The following APC variants were observed in gnomAD, a reference collection of about 807,000 sequenced individuals.
APC encodes the protein adenomatous polyposis coli protein.
APC carries 72 observed loss-of-function variants against 247.0 expected under a neutral mutation model. The ratio of observed to expected loss-of-function variants is 0.29; its 90% CI spans 0.24 to 0.35. The LOEUF is 0.35. Among genes scored for constraint, APC ranks in the 10% least tolerant of loss-of-function variants. The pLI, the probability that APC is intolerant of heterozygous loss-of-function variation, is 1.00. For missense variants in APC, 3,400 were observed against 3,360.7 expected (o/e 1.01, Z -0.29); for synonymous variants, 1,254 against 1,162.5 (o/e 1.08, Z -1.60).
Position 112,839,551 on chromosome 5 carries a change from T to A in APC, c.3957T>A (p.Pro1319=), listed in dbSNP as rs773123653. The change falls in exon 16 of 16, where the codon CCT becomes CCA. Residue 1319 remains proline, a synonymous_variant. Coordinates refer to ENST00000257430, the MANE Select transcript of APC (RefSeq NM_000038.6). The surrounding 1 kb of genome is among the most constrained non-coding windows in gnomAD (Gnocchi z 5.0). ...TTGGAACTAGGTCAGCTGAAGATCC[T>A]GTGAGCGAAGTTCCAGCAGTGTCAC... ...EKIGTRSAED[P]VSEVPAVSQH... 1 of 1,614,194 alleles carries A rather than the reference T, an allele frequency of 6.2e-7. No individual in the cohort carries two copies. The highest frequency in any genetic ancestry group is 2.2e-5 in the East Asian group (1 of 44,884).
At position 112,844,697 on chromosome 5, in the gene APC, T is replaced by G. The variant is rs1766837041; in HGVS notation, c.*571T>G. The G allele has an allele frequency of 4.3e-6, 1 of 232,820 alleles. No homozygotes were observed. Among genetic ancestry groups the G allele is most frequent in the Non-Finnish European group, 8.5e-6 (1 of 117,738 alleles). The allele number at this position is 232,820 out of a possible 1,614,324, so 14.4% of individuals were successfully genotyped here. On this transcript the variant is annotated 3_prime_UTR_variant, in exon 16 of 16. Transcript: ENST00000257430. ...CAATTTCAGAAGTAATGATTAACAG[T>G]TATGTGGTCACATGATGTGCATAGA...
chr5:112,781,344 A>G (rs369190806), intron 6 of APC, among the ~76,000 whole-genome samples: 1 of 152,244 alleles, frequency 6.6e-6, no homozygotes, highest in African/African-American at 2.4e-5. Flanking sequence ...AGTAAGTTGT[A>G]TGGAGAACAT....
At chr5:112,816,069 A>G (rs575361949) in intron 9 of APC, among the ~76,000 whole-genome samples, 1 of 152,322 alleles carries the variant, frequency 6.6e-6, no homozygotes, top group African/African-American at 2.4e-5. Flanking sequence ...GTTCCAGCCA[A>G]ACTGGCTCAC....
At chr5:112,720,481 CATT>C (rs1280673454) in intron 1 of APC, among the ~76,000 whole-genome samples, 1 of 152,142 alleles carries the variant, frequency 6.6e-6, no homozygotes, top group African/African-American at 2.4e-5. Flanking sequence ...CCCTAAATAT[CATT>C]AAGTCTCTCA....
At chr5:112,831,869 A>G (rs541346240) in intron 14 of APC, among the ~76,000 whole-genome samples, 1 of 152,326 alleles carries the variant, frequency 6.6e-6, no homozygotes, top group African/African-American at 2.4e-5. Flanking sequence ...ACCCTGAACA[A>G]TGGTTTTGAC....
chr5:112,815,942 A>G (rs1293106449), intron 9 of APC, among the ~76,000 whole-genome samples: 1 of 152,220 alleles, frequency 6.6e-6, no homozygotes, highest in Non-Finnish European at 1.5e-5. Flanking sequence ...AAGAAATTAC[A>G]TATTTTTATA....
At chr5:112,804,012 C>T (rs1028533707) in intron 8 of APC, among the ~76,000 whole-genome samples, 22 of 152,154 alleles carry the variant, frequency 1.4e-4, no homozygotes, top group African/African-American at 5.1e-4. Flanking sequence ...CATTTCTCAC[C>T]ACTCCCTCAA....
chr5:112,836,561 C>T (rs987198775), intron 15 of APC, among the ~76,000 whole-genome samples: 4 of 152,206 alleles, frequency 2.6e-5, no homozygotes, highest in Admixed American at 6.5e-5. Flanking sequence ...CTGCGTTAAA[C>T]AAGCTGTTGC....
chr5:112,775,114 A>C (rs1057077269), intron 4 of APC, among the ~76,000 whole-genome samples: 1 of 152,142 alleles, frequency 6.6e-6, no homozygotes, highest in Non-Finnish European at 1.5e-5. Flanking sequence ...CAAACTAAGA[A>C]GTTTTTCTCC....
At chr5:112,740,524 C>CTTTTTTTTTT (rs11286305) in intron 1 of APC, among the ~76,000 whole-genome samples, 17 of 99,130 alleles carry the variant, frequency 1.7e-4, no homozygotes, top group Non-Finnish European at 2.1e-4. Flanking sequence ...GTTTTTTTTT[C>CTTTTTTTTTT]TTTTTTTTTT....
At chr5:112,828,085 G>C in intron 13 of APC, 79 bp downstream of exon 13, 1 of 1,195,732 alleles carries the variant, frequency 8.4e-7, no homozygotes, top group Non-Finnish European at 1.2e-6. Context: ...CCCAGGCTTA[G>C]AGGGCAGTTG....
intron 2 of APC, among the ~76,000 whole-genome samples, chr5:112,763,665 G>T (rs548228192): frequency 6.6e-6 from 1 of 151,936 alleles, no homozygotes; most frequent in South Asian, 2.1e-4. Flanking sequence ...AAAACAAGTA[G>T]GATTTTTTCT....
Position 112,838,916 on chromosome 5 carries a change from A to G in APC, c.3322A>G (p.Asn1108Asp), listed in dbSNP as rs1765394162. 2 of 1,614,034 alleles carry G rather than the reference A, an allele frequency of 1.2e-6. No homozygotes were observed. The highest frequency in any genetic ancestry group is 1.3e-5 in the African/African-American group (1 of 74,940). Residue 1108 changes from asparagine (N) to aspartate (D), a missense_variant, in exon 16 of 16, where the codon AAT (asparagine) becomes GAT (aspartate). Around this residue, in one of 9 missense-constraint regions of APC, gnomAD observed 715 missense variants for 656.6 expected, o/e 1.09. Coordinates refer to ENST00000257430, the MANE Select transcript of APC (RefSeq NM_000038.6). ...CVSPYRSRGA[N>D]GSETNRVGSN... Reference sequence around the variant, plus strand: ...TTCTCCATACAGGTCACGGGGAGCCAATGGTTCAGAAACAAATCGAGTGGG... The same window carrying G: ...TTCTCCATACAGGTCACGGGGAGCCGATGGTTCAGAAACAAATCGAGTGGG...
chr5:112,804,362 A>G (rs1457500792), intron 8 of APC, among the ~76,000 whole-genome samples: 9 of 152,120 alleles, frequency 5.9e-5, no homozygotes. Flanking sequence ...TTGAATATTA[A>G]TAAATATTAT....
At chr5:112,763,555 A>T (rs553180882) in intron 2 of APC, among the ~76,000 whole-genome samples, 9 of 152,228 alleles carry the variant, frequency 5.9e-5, no homozygotes, top group African/African-American at 1.9e-4. Context: ...TTTTAAAAAG[A>T]CCATTAATGT....
intron 11 of APC, 60 bp from the exon 12 acceptor site, chr5:112,827,048 T>C (rs1329023330): frequency 1.3e-6 from 2 of 1,566,810 alleles, no homozygotes; most frequent in Middle Eastern, 1.7e-4. Context: ...GTTACCAACT[T>C]GGTACCAGTT....
chr5:112,830,924 G>C (rs569771084), intron 14 of APC, among the ~76,000 whole-genome samples: 16 of 152,246 alleles, frequency 1.1e-4, no homozygotes, highest in African/African-American at 3.6e-4. Context: ...AATGTGTGCA[G>C]TTTACTGTTC....
At position 112,840,730 on chromosome 5, in the gene APC, A is replaced by G. The variant is rs573531013; in HGVS notation, c.5136A>G (p.Glu1712=). The change falls in exon 16 of 16, where the codon GAA becomes GAG. Residue 1712 remains glutamate, a synonymous_variant. Coordinates refer to ENST00000257430, the MANE Select transcript of APC (RefSeq NM_000038.6). This position sits in a 1 kb window ranked among gnomAD's most constrained non-coding sequence, Gnocchi z 4.1. ...GGKTSSVTIP[E]LDDNKAEEGD... is the part of the protein sequence containing the mutation. ...AAACCTCATCTGTAACCATACCTGA[A>G]TTGGATGACAATAAAGCAGAGGAAG... is the stretch of plus-strand genomic sequence containing the variant. The G allele has an allele frequency of 1.2e-6, 2 of 1,614,150 alleles. No homozygotes were observed. The highest frequency in any genetic ancestry group is 1.3e-5 in the African/African-American group (1 of 75,058).
At chr5:112,752,942 AG>A (rs1176124206) in intron 1 of APC, among the ~76,000 whole-genome samples, 6 of 152,184 alleles carry the variant, frequency 3.9e-5, no homozygotes, top group Non-Finnish European at 5.9e-5. Flanking sequence ...GGGTACTTTT[AG>A]CAGTCTCTGC....
Sources: gnomAD v4.1 joint callset for allele counts (sites outside exome capture counted in the v4.1 genomes callset) on GRCh38, gnomAD v4.1.1 for gene constraint, gnomAD v4.1.1 regional missense constraint, Gnocchi (gnomAD v3.1) non-coding constraint, MANE v1.5 for transcripts, NCBI Gene and HGNC (gene_info 2026-07-23, HGNC 2026-07-21) for gene names.